USP3: variants seen among roughly 807,000 people sequenced by gnomAD.
The protein encoded by USP3 is ubiquitin carboxyl-terminal hydrolase 3.
Under a neutral mutation model 72.3 loss-of-function variants are expected in USP3, and 20 were observed. The observed-to-expected ratio is 0.28, with a 90% CI of 0.19 to 0.40. USP3 has a LOEUF of 0.40. Among genes scored for constraint, USP3 ranks in the 10% least tolerant of loss-of-function variants. USP3 has a pLI of 1.00. For synonymous variants in USP3, 222 were observed against 225.3 expected (o/e 0.99, Z 0.13); for missense variants, 479 against 633.9 (o/e 0.76, Z 2.62).
At chr15:63,506,783 A>G (rs368551676) in intron 1 of USP3, among the ~76,000 whole-genome samples, 12 of 152,368 alleles carry the variant, frequency 7.9e-5, no homozygotes, top group East Asian at 5.8e-4. Context: ...ATCTTGCAAC[A>G]AAGTGTGTCT....
At chr15:63,543,801 A>G (rs186634941) in intron 3 of USP3, among the ~76,000 whole-genome samples, 8 of 152,352 alleles carry the variant, frequency 5.3e-5, no homozygotes, top group Admixed American at 3.3e-4. Flanking sequence ...ACACAGACTA[A>G]TAAGACCTGA....
intron 11 of USP3, among the ~76,000 whole-genome samples, chr15:63,585,268 T>A (rs185008733): frequency 6.6e-5 from 10 of 152,328 alleles, no homozygotes; most frequent in Admixed American, 5.2e-4. Flanking sequence ...CAGAAATTTC[T>A]ATTGGGATTT....
At position 63,552,956 on chromosome 15, in the gene USP3, G is replaced by A. The variant is rs1292189394; in HGVS notation, c.285-759G>A. ...CTTGTAAATTGTTTTTGTTAAAATT[G>A]GCCTTATCCCAGGAAAAAATTAAAT... On this transcript the variant is annotated intron_variant, in intron 3 of 14. Transcript: ENST00000380324. Among the ~76,000 whole-genome samples the A allele has an allele frequency of 3.3e-5, 5 of 151,978 alleles. No homozygotes were observed. The East Asian group carries it at 9.6e-4, about 29-fold the overall frequency.
At chr15:63,558,559 C>A (rs1396274240) in intron 6 of USP3, among the ~76,000 whole-genome samples, 1 of 150,268 alleles carries the variant, frequency 6.7e-6, no homozygotes, top group Non-Finnish European at 1.5e-5. Context: ...TATCCCCCAC[C>A]CCCCCGCTCT....
intron 1 of USP3, among the ~76,000 whole-genome samples, chr15:63,513,797 C>G (rs2065818983): frequency 6.6e-6 from 1 of 152,156 alleles, no homozygotes; most frequent in Admixed American, 6.5e-5. Flanking sequence ...TTCTAGAAAA[C>G]AAATTTCTGA....
intron 1 of USP3, among the ~76,000 whole-genome samples, chr15:63,506,232 G>A (rs1319197062): frequency 1.3e-5 from 2 of 152,160 alleles, no homozygotes; most frequent in African/African-American, 2.4e-5. Context: ...AATCTGTCGG[G>A]ATGTTGAGTA....
intron 1 of USP3, among the ~76,000 whole-genome samples, chr15:63,515,854 T>G (rs1208444576): frequency 1.3e-5 from 2 of 152,312 alleles, no homozygotes; most frequent in South Asian, 2.1e-4. Context: ...TCGCCTCCAC[T>G]CTCAGTCCTG....
At chr15:63,554,667 C>G (rs2066483305) in intron 4 of USP3, among the ~76,000 whole-genome samples, 1 of 152,186 alleles carries the variant, frequency 6.6e-6, no homozygotes, top group Non-Finnish European at 1.5e-5. Flanking sequence ...AAATTGCATA[C>G]TGAAAAGAAA....
intron 1 of USP3, among the ~76,000 whole-genome samples, chr15:63,520,417 T>A (rs1009477200): frequency 1.3e-5 from 2 of 152,314 alleles, no homozygotes; most frequent in Middle Eastern, 3.4e-3. Context: ...CAAATTTGTT[T>A]ACAGTTCTTT....
intron 1 of USP3, among the ~76,000 whole-genome samples, chr15:63,525,071 CTGAT>C (rs2065963442): frequency 6.6e-6 from 1 of 152,084 alleles, no homozygotes; most frequent in African/African-American, 2.4e-5. Flanking sequence ...TCAGAAGAGA[CTGAT>C]TGTCAGGAAT....
intron 11 of USP3, among the ~76,000 whole-genome samples, chr15:63,581,346 TGTGTGTGTGTGTGTG>T (rs1274650704): frequency 5.7e-4 from 1 of 1,754 alleles, no homozygotes; most frequent in African/African-American, 2.8e-3. Flanking sequence ...TGTTGGTTTT[TGTGTGTGTGTGTGTG>T]TGTGTGTGTG....
In USP3 at chr15:63,529,178, G is replaced by GTTTT; in HGVS notation, c.92-3459_92-3456dup. On this transcript the variant is annotated intron_variant, in intron 1 of 14. Coordinates refer to ENST00000380324, the MANE Select transcript of USP3 (RefSeq NM_006537.4). The surrounding 1 kb of genome is among the most constrained non-coding windows in gnomAD (Gnocchi z 4.2). ...ACCACACTTGGCAGGTAGTAAAGTG[G>GTTTT]TTTTTTTTTTTTTCTTTTTTTTGAG... The GTTTT allele has an allele frequency of 2.0e-6, 1 of 492,614 alleles. No individual in the cohort carries two copies. Among genetic ancestry groups the GTTTT allele is most frequent in the Non-Finnish European group, 3.4e-6 (1 of 293,872 alleles). The allele number at this position is 492,614 out of a possible 1,614,324, so 30.5% of individuals were successfully genotyped here. A position where few individuals can be genotyped will look rare whatever the true frequency, so the allele number is the denominator to read the frequency against.
At chr15:63,526,877 T>C (rs1020278925) in intron 1 of USP3, among the ~76,000 whole-genome samples, 17 of 151,974 alleles carry the variant, frequency 1.1e-4, no homozygotes, top group Non-Finnish European at 1.5e-4. Context: ...CATCTAACTT[T>C]TGCCAGTCCT....
At chr15:63,571,329 T>G (rs1353474460) in intron 9 of USP3, among the ~76,000 whole-genome samples, 3 of 152,234 alleles carry the variant, frequency 2.0e-5, no homozygotes, top group Non-Finnish European at 4.4e-5. Context: ...ATAGGTGTCA[T>G]TGTATTGCCT....
At chr15:63,521,705 C>T (rs1032619323) in intron 1 of USP3, among the ~76,000 whole-genome samples, 2 of 152,296 alleles carry the variant, frequency 1.3e-5, no homozygotes, top group Admixed American at 1.3e-4. Flanking sequence ...CCAGCTGTTT[C>T]GGATACTTCT....
chr15:63,511,913 A>G (rs1219355409), intron 1 of USP3, among the ~76,000 whole-genome samples: 2 of 148,416 alleles, frequency 1.3e-5, no homozygotes, highest in African/African-American at 5.0e-5. Flanking sequence ...TAAAAGTTAT[A>G]GTCTTTAGAC....
At chr15:63,556,010 T>C (rs2152670819) in intron 4 of USP3, among the ~76,000 whole-genome samples, 1 of 152,352 alleles carries the variant, frequency 6.6e-6, no homozygotes, top group East Asian at 1.9e-4. Context: ...TAAAGTGACC[T>C]TTTGAAAATA....
At chr15:63,511,122 A>G (rs60173135) in intron 1 of USP3, among the ~76,000 whole-genome samples, 1,800 of 152,078 alleles carry the variant, frequency 0.012, 33 homozygotes, top group African/African-American at 0.042. Flanking sequence ...AATTTAATTA[A>G]TTATTCATCC....
At position 63,562,906 on chromosome 15, in the gene USP3, A is replaced by G; in HGVS notation, c.659A>G (p.Glu220Gly). The change falls in exon 8 of 15, where the codon GAA becomes GGA. Residue 220 changes from glutamate (E) to glycine (G), a missense_variant. Physicochemically the swap from Glu to Gly is moderately conservative, Grantham distance 98. Coordinates refer to ENST00000380324, the MANE Select transcript of USP3 (RefSeq NM_006537.4). ...SQGDNNVSLV[E>G]EFRKTLCALW... ...TTCCTCTTTTGCAGGTCTTTGGTAG[A>G]AGAGTTTAGAAAGACACTCTGTGCT... 6.2e-7 allele frequency: 1 copy of G among 1,606,542 alleles called. No individual in the cohort carries two copies. The highest frequency in any genetic ancestry group is 8.5e-7 in the Non-Finnish European group (1 of 1,176,902).
Sources: allele counts gnomAD v4.1 joint callset (sites outside exome capture counted in the v4.1 genomes callset), GRCh38; gene constraint gnomAD v4.1.1; non-coding constraint Gnocchi (gnomAD v3.1); transcripts MANE v1.5; gene names NCBI Gene and HGNC (gene_info 2026-07-23, HGNC 2026-07-21).